PRKX: variants seen among roughly 807,000 people sequenced by gnomAD.
PRKX encodes the protein cAMP-dependent protein kinase catalytic subunit PRKX.
A neutral mutation model predicts 22.0 loss-of-function variants in PRKX; 12 were observed. That is an observed-to-expected ratio of 0.54 (90% CI 0.35 to 0.88). The LOEUF is 0.88. Among genes scored for constraint, PRKX ranks in the 40% least tolerant of loss-of-function variants. PRKX has a pLI of 0.01. For missense variants in PRKX, 217 were observed against 308.0 expected (o/e 0.70, Z 2.21); for synonymous variants, 134 against 137.7 (o/e 0.97, Z 0.19).
chrX:3,665,001 C>T (rs1257701016), intron 2 of PRKX, among the ~76,000 whole-genome samples: 1 of 112,410 alleles, frequency 8.9e-6, no homozygotes, highest in African/African-American at 3.2e-5. Context: ...ACTTCTCCTC[C>T]TCAAAATACC....
rs59479399 is a variant in PRKX, at chrX:3,713,482, G to A, written c.-229C>T. On this transcript the variant is annotated 5_prime_UTR_variant, in exon 1 of 9. Coordinates refer to ENST00000262848, the MANE Select transcript of PRKX (RefSeq NM_005044.5). ...ACGGCCCCGAGTGGGAGCAGCCGCC[G>A]GCCTCGGGGGGCGGGCACCGAGTGC... 58,758 of 254,825 alleles carry A rather than the reference G, an allele frequency of 0.23. 5,324 individuals carry two copies. Among genetic ancestry groups the A allele is most frequent in the South Asian group, 0.43 (1,681 of 3,879 alleles). 21.0% of individuals were successfully genotyped at this position (254,825 alleles called of 1,213,427 possible). A position where few individuals can be genotyped will look rare whatever the true frequency, so the allele number is the denominator to read the frequency against.
intron 2 of PRKX, among the ~76,000 whole-genome samples, chrX:3,661,523 C>G (rs1322931071): frequency 1.2e-4 from 13 of 109,902 alleles, no homozygotes; most frequent in Non-Finnish European, 1.9e-5. Context: ...AGCAGGACAG[C>G]CTGAGCCCAG....
At position 3,713,089 on chromosome X, in the gene PRKX, C is replaced by G. The variant is rs1928827008; in HGVS notation, c.165G>C (p.Val55=). ...SLQDFDTLAT[V]GTGTFGRVHL... is the part of the protein sequence containing the mutation. The stretch of plus-strand genomic sequence containing the variant: ...GAGTCCCCGCCCGCACTCACTCACC[C>G]ACGGTGGCCAGCGTGTCAAAGTCCT... Residue 55 remains valine, a splice_region_variant and synonymous_variant, in exon 1 of 9, where the codon GTG becomes GTC. Coordinates refer to ENST00000262848, the MANE Select transcript of PRKX (RefSeq NM_005044.5). 8.6e-7 allele frequency: 1 copy of G among 1,162,917 alleles called. No individual in the cohort carries two copies. The highest frequency in any genetic ancestry group is 1.9e-5 in the South Asian group (1 of 52,962).
In PRKX at chrX:3,621,320, T is replaced by C. The variant is rs1281449673; in HGVS notation, c.816-4A>G. ...GAGCAGTTTCTTAATGAGGTCTCTA[T>C]GTTGGGGAAGGAGACAAAAAAAAAA... On this transcript the variant is annotated splice_region_variant and splice_polypyrimidine_tract_variant and intron_variant, in intron 5 of 8. Transcript: ENST00000262848. The C allele has an allele frequency of 8.3e-7, 1 of 1,200,743 alleles. No homozygotes were observed. The highest frequency in any genetic ancestry group is 2.2e-5 in the Admixed American group (1 of 45,280).
At chrX:3,618,039 T>C (rs1419198749) in intron 6 of PRKX, among the ~76,000 whole-genome samples, 1 of 81,085 alleles carries the variant, frequency 1.2e-5, no homozygotes, top group African/African-American at 5.0e-5. Context: ...AACCTCCGCC[T>C]TGCTGTGTCT....
intron 2 of PRKX, among the ~76,000 whole-genome samples, chrX:3,665,135 TGTGCAC>T (rs1218782697): frequency 9.0e-6 from 1 of 111,650 alleles, no homozygotes; most frequent in Non-Finnish European, 1.9e-5. Context: ...TGCATGTGTG[TGTGCAC>T]GTGCACGTGT....
chrX:3,620,167 A>G (rs1926524966), intron 6 of PRKX, among the ~76,000 whole-genome samples: 1 of 111,765 alleles, frequency 8.9e-6, no homozygotes, highest in Non-Finnish European at 1.9e-5. Flanking sequence ...ACAAAAGCCA[A>G]AAGGTGGAAA....
intron 1 of PRKX, among the ~76,000 whole-genome samples, chrX:3,680,062 C>T (rs1266565057): frequency 2.7e-5 from 3 of 110,920 alleles, no homozygotes; most frequent in Non-Finnish European, 3.8e-5. Flanking sequence ...TCCATCTATC[C>T]CTCCTCCCCT....
intron 2 of PRKX, among the ~76,000 whole-genome samples, chrX:3,672,951 T>C (rs7474369): frequency 0.015 from 1,640 of 111,341 alleles, 28 homozygotes; most frequent in African/African-American, 0.05. Flanking sequence ...ATTGTGCCAC[T>C]GAATTCCAGC....
intron 8 of PRKX, among the ~76,000 whole-genome samples, chrX:3,609,751 C>T (rs1926256420): frequency 8.9e-6 from 1 of 111,968 alleles, no homozygotes; most frequent in African/African-American, 3.2e-5. Context: ...CCACCACATC[C>T]AGCCTGAAGA....
chrX:3,650,425 G>A (rs1280981952), intron 3 of PRKX, among the ~76,000 whole-genome samples: 1 of 100,202 alleles, frequency 1.0e-5, no homozygotes, highest in Admixed American at 1.1e-4. Flanking sequence ...GGAGGCTGAG[G>A]CAGGAGAATG....
chrX:3,635,103 T>C (rs1926861392), intron 4 of PRKX, among the ~76,000 whole-genome samples: 1 of 112,176 alleles, frequency 8.9e-6, no homozygotes. Context: ...TATATATTAT[T>C]TATGTATTCT....
intron 1 of PRKX, among the ~76,000 whole-genome samples, chrX:3,700,029 A>G: frequency 9.0e-6 from 1 of 111,628 alleles, no homozygotes; most frequent in East Asian, 2.8e-4. Flanking sequence ...AGAAACTTAA[A>G]AAAAAGCAGA....
At chrX:3,647,706 AT>A (rs1188440693) in intron 3 of PRKX, among the ~76,000 whole-genome samples, 27 of 109,261 alleles carry the variant, frequency 2.5e-4, no homozygotes, top group Non-Finnish European at 4.7e-4. Flanking sequence ...TGATTTTCTA[AT>A]GTGGTAAAAT....
chrX:3,607,403 G>C lies in PRKX; in HGVS notation c.*1566C>G, dbSNP rs978824834. The C allele has an allele frequency of 1.8e-5, 2 of 111,551 alleles. No individual in the cohort carries two copies. Among genetic ancestry groups the C allele is most frequent in the African/African-American group, 6.5e-5 (2 of 30,641 alleles). The allele number at this position is 111,551 out of a possible 1,213,427, so 9.2% of individuals were successfully genotyped here. Reference sequence around the variant, plus strand: ...TTCACATTCACGGTAAAACTGATGGGAAACCGCACGCTAAATGTTTAGGCA... The same window carrying C: ...TTCACATTCACGGTAAAACTGATGGCAAACCGCACGCTAAATGTTTAGGCA... On this transcript the variant is annotated 3_prime_UTR_variant, in exon 9 of 9. Transcript: ENST00000262848.
intron 4 of PRKX, among the ~76,000 whole-genome samples, chrX:3,637,060 G>A (rs867153757): frequency 2.0e-5 from 2 of 101,804 alleles, no homozygotes; most frequent in Non-Finnish European, 4.0e-5. Context: ...AGGGAAGGGA[G>A]GAAGGAGAGA....
At chrX:3,710,356 C>T (rs2146617107) in intron 1 of PRKX, among the ~76,000 whole-genome samples, 1 of 111,763 alleles carries the variant, frequency 8.9e-6, no homozygotes, top group East Asian at 2.8e-4. Context: ...AACTACCTGA[C>T]CTTGAGGAAA....
chrX:3,612,948 T>C (rs1926328997), intron 7 of PRKX, among the ~76,000 whole-genome samples: 1 of 105,581 alleles, frequency 9.5e-6, no homozygotes, highest in Non-Finnish European at 1.9e-5. Flanking sequence ...AGGTCAGGAG[T>C]TCGAGAACAG....
intron 2 of PRKX, among the ~76,000 whole-genome samples, chrX:3,666,272 A>G (rs1339865971): frequency 1.9e-5 from 2 of 105,996 alleles, no homozygotes. Flanking sequence ...CTCCTGCCTC[A>G]GCCTCCCAAG....
Sources: gnomAD v4.1 joint callset for allele counts (sites outside exome capture counted in the v4.1 genomes callset) on GRCh38, gnomAD v4.1.1 for gene constraint, MANE v1.5 for transcripts, NCBI Gene and HGNC (gene_info 2026-07-23, HGNC 2026-07-21) for gene names.